CDH12: variants seen among roughly 807,000 people sequenced by gnomAD.
CDH12 encodes cadherin 12, also known as cadherin-12.
Under a neutral mutation model 74.1 loss-of-function variants are expected in CDH12, and 41 were observed. The observed-to-expected ratio is 0.55, with a 90% CI of 0.43 to 0.72. The LOEUF (loss-of-function observed/expected upper bound fraction) is 0.72, where lower values mean the gene tolerates loss of function less well. Ranked by LOEUF, CDH12 falls within the 30% of genes least tolerant of loss-of-function variation. CDH12 has a pLI of 0.00. For missense variants in CDH12, 945 were observed against 977.2 expected (o/e 0.97, Z 0.44); for synonymous variants, 399 against 355.0 (o/e 1.12, Z -1.39).
At chr5:22,549,782 A>T (rs912592419) in intron 1 of CDH12, among the ~76,000 whole-genome samples, 1 of 152,228 alleles carries the variant, frequency 6.6e-6, no homozygotes, top group African/African-American at 2.4e-5. Context: ...CCAAGTATTG[A>T]TCGACAATCT....
intron 1 of CDH12, among the ~76,000 whole-genome samples, chr5:22,699,439 C>T (rs1361980848): frequency 1.3e-5 from 2 of 152,058 alleles, no homozygotes; most frequent in Non-Finnish European, 2.9e-5. Flanking sequence ...ATCAGAAAGG[C>T]TTTGATACAC....
At position 22,443,307 on chromosome 5, in the gene CDH12, C is replaced by T. The variant is rs554033245; in HGVS notation, c.-427-37956G>A. On this transcript the variant is annotated intron_variant, in intron 2 of 14. Transcript: ENST00000382254. ...TATTTAGAAATCATCTTTTGAAGGC[C>T]AAGACAGCTTTAGTAATTGGTAGCT... is the stretch of plus-strand genomic sequence containing the variant. Among the ~76,000 whole-genome samples the T allele has an allele frequency of 3.3e-5, 5 of 152,128 alleles. No individual in the cohort carries two copies. In the East Asian group the frequency reaches 9.7e-4, roughly 29 times the overall value.
intron 3 of CDH12, among the ~76,000 whole-genome samples, chr5:22,309,842 C>A (rs2150427237): frequency 6.6e-6 from 1 of 151,770 alleles, no homozygotes; most frequent in East Asian, 1.9e-4. Context: ...AAAATAAACC[C>A]CTTCAGTAAG....
At chr5:22,586,442 C>T (rs1372685976) in intron 1 of CDH12, among the ~76,000 whole-genome samples, 1 of 151,190 alleles carries the variant, frequency 6.6e-6, no homozygotes, top group African/African-American at 2.4e-5. Context: ...ACATATGTAA[C>T]TAACCTGCAC....
chr5:22,447,739 T>C (rs922933376), intron 2 of CDH12, among the ~76,000 whole-genome samples: 1 of 152,174 alleles, frequency 6.6e-6, no homozygotes, highest in Middle Eastern at 3.4e-3. Flanking sequence ...TGTTGTAGTT[T>C]CCAACTCTGG....
intron 1 of CDH12, among the ~76,000 whole-genome samples, chr5:22,681,049 A>G (rs1248967269): frequency 1.3e-5 from 2 of 152,106 alleles, no homozygotes; most frequent in Non-Finnish European, 2.9e-5. Context: ...GCATTCAAGT[A>G]GAAGGTATCT....
intron 4 of CDH12, among the ~76,000 whole-genome samples, chr5:22,174,089 A>T (rs1395917330): frequency 6.6e-6 from 1 of 152,040 alleles, no homozygotes; most frequent in Non-Finnish European, 1.5e-5. Context: ...AAACATTTGA[A>T]GTAAGTAGAT....
At chr5:22,663,262 T>C (rs898399819) in intron 1 of CDH12, among the ~76,000 whole-genome samples, 3 of 152,180 alleles carry the variant, frequency 2.0e-5, no homozygotes, top group African/African-American at 7.2e-5. Flanking sequence ...CAGATACCTT[T>C]TATCTAATCA....
intron 1 of CDH12, among the ~76,000 whole-genome samples, chr5:22,805,399 C>A (rs1279409202): frequency 1.3e-5 from 2 of 151,442 alleles, no homozygotes; most frequent in Non-Finnish European, 2.9e-5. Context: ...GAAATAAATA[C>A]CTCAAGGAAT....
At chr5:22,442,976 C>T (rs1744685797) in intron 2 of CDH12, among the ~76,000 whole-genome samples, 1 of 150,168 alleles carries the variant, frequency 6.7e-6, no homozygotes, top group African/African-American at 2.5e-5. Context: ...TGTTTTTTTC[C>T]TCAGTCTGGT....
chr5:22,075,223 C>T (rs1416418712), intron 5 of CDH12, among the ~76,000 whole-genome samples: 1 of 149,504 alleles, frequency 6.7e-6, no homozygotes, highest in Non-Finnish European at 1.5e-5. Flanking sequence ...AAAAACCAAA[C>T]ACCACATGTT....
intron 3 of CDH12, among the ~76,000 whole-genome samples, chr5:22,330,713 T>A (rs2166048): frequency 7.1e-6 from 1 of 141,334 alleles, no homozygotes; most frequent in African/African-American, 2.7e-5. Flanking sequence ...ATCAGGCCAC[T>A]GCACTCCAGC....
Position 22,814,336 on chromosome 5 carries a change from A to T in CDH12, c.-523+38722T>A, listed in dbSNP as rs558703265. ...CTCACCAAGATAATTTGAAACTAAAATAAAATTTTTATAACAACTACATAT... is the reference window on the plus strand; with the variant it reads ...CTCACCAAGATAATTTGAAACTAAATTAAAATTTTTATAACAACTACATAT... On this transcript the variant is annotated intron_variant, in intron 1 of 14. Coordinates refer to ENST00000382254, the MANE Select transcript of CDH12 (RefSeq NM_004061.5). Among the ~76,000 whole-genome samples, 24 of 152,326 alleles carry T rather than the reference A, an allele frequency of 1.6e-4. No homozygotes were observed. In the South Asian group the frequency reaches 4.8e-3, roughly 30 times the overall value.
At chr5:22,764,912 C>T (rs934777186) in intron 1 of CDH12, among the ~76,000 whole-genome samples, 2 of 151,836 alleles carry the variant, frequency 1.3e-5, no homozygotes, top group African/African-American at 2.4e-5. Context: ...GATAAGACGA[C>T]GGAATGCATT....
chr5:22,742,633 C>T (rs1353959991), intron 1 of CDH12, among the ~76,000 whole-genome samples: 1 of 151,858 alleles, frequency 6.6e-6, no homozygotes, highest in East Asian at 1.9e-4. Context: ...AATATGCTGC[C>T]TGAATTAATT....
chr5:21,783,609 G>C (rs536017179), intron 10 of CDH12, 115 bp from the exon 11 acceptor site: 1 of 722,406 alleles, frequency 1.4e-6, no homozygotes, highest in African/African-American at 1.8e-5. Flanking sequence ...TACCCACCTT[G>C]CAATAAAGAA....
chr5:21,965,831 G>GA, intron 6 of CDH12, among the ~76,000 whole-genome samples: 1 of 152,030 alleles, frequency 6.6e-6, no homozygotes, highest in Admixed American at 6.6e-5. Context: ...AATGAAGATG[G>GA]AAAATGAATA....
chr5:22,043,283 G>A (rs1739701129), intron 5 of CDH12, among the ~76,000 whole-genome samples: 1 of 152,138 alleles, frequency 6.6e-6, no homozygotes, highest in South Asian at 2.1e-4. Context: ...ATATAAACAT[G>A]AATTAATATA....
intron 8 of CDH12, among the ~76,000 whole-genome samples, chr5:21,826,232 C>T (rs536998233): frequency 6.6e-6 from 1 of 152,254 alleles, no homozygotes; most frequent in East Asian, 1.9e-4. Flanking sequence ...TATTCCAAAA[C>T]ATTACTTGGA....
Sources: allele counts gnomAD v4.1 joint callset (sites outside exome capture counted in the v4.1 genomes callset), GRCh38; gene constraint gnomAD v4.1.1; transcripts MANE v1.5; gene names NCBI Gene and HGNC (gene_info 2026-07-23, HGNC 2026-07-21).